Variants in CAMTA1 observed in about 807,000 individuals in gnomAD.
The protein encoded by CAMTA1 is calmodulin-binding transcription activator 1.
In CAMTA1, 27 loss-of-function variants were observed where a neutral mutation model predicts 170.9. That is an observed-to-expected ratio of 0.16 (90% CI 0.12 to 0.22). The LOEUF (loss-of-function observed/expected upper bound fraction) is 0.22. Among genes scored for constraint, CAMTA1 ranks in the 10% least tolerant of loss-of-function variants. The pLI is 1.00. For synonymous variants in CAMTA1, 833 were observed against 891.5 expected (o/e 0.93, Z 1.17); for missense variants, 1,619 against 2,217.2 (o/e 0.73, Z 5.42).
intron 5 of CAMTA1, among the ~76,000 whole-genome samples, chr1:7,439,270 G>A (rs2092446883): frequency 6.6e-6 from 1 of 152,170 alleles, no homozygotes; most frequent in Non-Finnish European, 1.5e-5. Context: ...CCCCTCCTAG[G>A]TGGGGGATCT....
chr1:7,703,929 C>A (rs536353695), intron 11 of CAMTA1, among the ~76,000 whole-genome samples: 2 of 152,024 alleles, frequency 1.3e-5, no homozygotes, highest in Non-Finnish European at 2.9e-5. Context: ...AACTTTGGAA[C>A]GCGGAGGTTA....
intron 4 of CAMTA1, among the ~76,000 whole-genome samples, chr1:7,196,229 T>G (rs375532175): frequency 2.8e-4 from 43 of 152,216 alleles, no homozygotes; most frequent in South Asian, 1.9e-3. Context: ...CTACTCCACC[T>G]GGTAAGACGT....
At chr1:7,072,632 G>T (rs765924950) in intron 3 of CAMTA1, among the ~76,000 whole-genome samples, 2 of 152,188 alleles carry the variant, frequency 1.3e-5, no homozygotes, top group African/African-American at 2.4e-5. Flanking sequence ...AAAGAAAGTG[G>T]GGTGGAGGGC....
chr1:6,923,019 A>G (rs1682359656), intron 3 of CAMTA1, among the ~76,000 whole-genome samples: 1 of 152,190 alleles, frequency 6.6e-6, no homozygotes, highest in Non-Finnish European at 1.5e-5. Context: ...TCAAATAAGT[A>G]TCAATTAAGC....
At chr1:7,528,642 G>C (rs2094456726) in intron 6 of CAMTA1, among the ~76,000 whole-genome samples, 1 of 152,108 alleles carries the variant, frequency 6.6e-6, no homozygotes, top group Non-Finnish European at 1.5e-5. Context: ...GGGAAAGATG[G>C]TGGCGTGCCC....
At chr1:6,895,915 A>G (rs543126237) in intron 3 of CAMTA1, among the ~76,000 whole-genome samples, 3 of 152,090 alleles carry the variant, frequency 2.0e-5, no homozygotes, top group East Asian at 3.9e-4. Flanking sequence ...GCTCTTCCCC[A>G]TCCTATTAGC....
intron 5 of CAMTA1, among the ~76,000 whole-genome samples, chr1:7,370,570 T>A (rs1375768556): frequency 6.6e-6 from 1 of 152,250 alleles, no homozygotes; most frequent in Admixed American, 6.5e-5. Flanking sequence ...TAACATTTCA[T>A]GTTCCACAGA....
rs544941880 is a variant in CAMTA1 at position 7,769,217 on chromosome 1, T to C, written c.*2726T>C. The C allele has an allele frequency of 1.3e-5, 2 of 152,876 alleles. No homozygotes were observed. The highest frequency in any genetic ancestry group is 4.8e-5 in the African/African-American group (2 of 41,574). The allele number at this position is 152,876 out of a possible 1,614,324, so 9.5% of individuals were successfully genotyped here. Reference sequence around the variant, plus strand: ...CGAAGCATTTCTGACCGCTTTTTCTTGGTTATGAATCTTAATTTCGAATAT... The same window carrying C: ...CGAAGCATTTCTGACCGCTTTTTCTCGGTTATGAATCTTAATTTCGAATAT... On this transcript the variant is annotated 3_prime_UTR_variant, in exon 23 of 23. Transcript: ENST00000303635.
chr1:7,098,537 G>C (rs1368215591), intron 4 of CAMTA1, among the ~76,000 whole-genome samples: 1 of 152,224 alleles, frequency 6.6e-6, no homozygotes, highest in East Asian at 1.9e-4. Context: ...GGTGGGGAAT[G>C]AGCTGTGGCC....
At chr1:7,336,079 T>C (rs1574762897) in intron 5 of CAMTA1, among the ~76,000 whole-genome samples, 1 of 152,212 alleles carries the variant, frequency 6.6e-6, no homozygotes, top group Non-Finnish European at 1.5e-5. Context: ...AGACCCAAAT[T>C]GGCCACCTGG....
intron 11 of CAMTA1, among the ~76,000 whole-genome samples, chr1:7,690,182 C>T (rs2096295200): frequency 1.3e-5 from 2 of 152,300 alleles, no homozygotes; most frequent in East Asian, 1.9e-4. Flanking sequence ...AAGAAAGAGC[C>T]AGCTGGGAGC....
rs1288583018 is a variant in CAMTA1, at chr1:7,463,440, TG to T, written c.439-4385del. ...ATAAAGACAGACGGGGAGAGACAGA[TG>T]GGGGAAATGGGAGAGAGACAGAGAG... On this transcript the variant is annotated intron_variant, in intron 5 of 22. Transcript: ENST00000303635. The surrounding 1 kb of genome is among the most constrained non-coding windows in gnomAD (Gnocchi z 4.7). Among the ~76,000 whole-genome samples the T allele has an allele frequency of 1.4e-5, 2 of 142,046 alleles. No homozygotes were observed. Among genetic ancestry groups the T allele is most frequent in the Non-Finnish European group, 3.1e-5 (2 of 65,138 alleles). 93.2% of individuals were successfully genotyped at this position (142,046 alleles called of 152,430 possible).
chr1:7,028,077 G>T (rs945048811), intron 3 of CAMTA1, among the ~76,000 whole-genome samples: 26 of 151,866 alleles, frequency 1.7e-4, no homozygotes, highest in African/African-American at 6.0e-4. Flanking sequence ...GCTAACTTTT[G>T]TATTTTTAGT....
chr1:7,409,201 G>A (rs1159688689), intron 5 of CAMTA1, among the ~76,000 whole-genome samples: 5 of 152,318 alleles, frequency 3.3e-5, no homozygotes, highest in Non-Finnish European at 7.3e-5. Flanking sequence ...CTGGACTTCC[G>A]TCATCTACTA....
chr1:7,338,888 G>A (rs1022913070), intron 5 of CAMTA1, among the ~76,000 whole-genome samples: 7 of 152,174 alleles, frequency 4.6e-5, no homozygotes, highest in South Asian at 2.1e-4. Flanking sequence ...TCACAGTTCC[G>A]CAGGCTGTAC....
chr1:6,908,122 C>T (rs1329668036), intron 3 of CAMTA1, among the ~76,000 whole-genome samples: 2 of 152,238 alleles, frequency 1.3e-5, no homozygotes, highest in Admixed American at 6.5e-5. Flanking sequence ...AGAACCCCTT[C>T]TTTGCTCGTC....
In CAMTA1 at chr1:7,044,387, A is replaced by G. The variant is rs74051096; in HGVS notation, c.235-46917A>G. 0.14 allele frequency among the ~76,000 whole-genome samples: 21,437 copies of G among 152,030 alleles called. 2,053 individuals are homozygous for G. Among genetic ancestry groups the G allele is most frequent in the African/African-American group, 0.27 (11,333 of 41,470 alleles). On this transcript the variant is annotated intron_variant, in intron 3 of 22. Transcript: ENST00000303635. This position sits in a 1 kb window ranked among gnomAD's most constrained non-coding sequence, Gnocchi z 5.0. The stretch of plus-strand genomic sequence containing the variant: ...GGGGACCCTGGGGACTCACAGCAGT[A>G]CTGCTGGGGACGCCGAGGACGCAGA...
At chr1:7,504,836 C>G (rs536234904) in intron 6 of CAMTA1, among the ~76,000 whole-genome samples, 6 of 152,394 alleles carry the variant, frequency 3.9e-5, no homozygotes, top group Admixed American at 3.9e-4. Flanking sequence ...TACAGTGACA[C>G]AGCTGGCCTT....
chr1:7,337,544 TG>T (rs1557542248), intron 5 of CAMTA1, among the ~76,000 whole-genome samples: 7,182 of 141,032 alleles, frequency 0.051, 519 homozygotes, highest in African/African-American at 0.13. Context: ...GGCCGTGGGC[TG>T]CATCCAATCA....
Sources: allele counts gnomAD v4.1 joint callset (sites outside exome capture counted in the v4.1 genomes callset), GRCh38; gene constraint gnomAD v4.1.1; non-coding constraint Gnocchi (gnomAD v3.1); transcripts MANE v1.5; gene names NCBI Gene and HGNC (gene_info 2026-07-23, HGNC 2026-07-21).